Variants in PPIP5K2 observed in about 807,000 individuals in gnomAD.
The protein encoded by PPIP5K2 is diphosphoinositol pentakisphosphate kinase 2, also known as inositol hexakisphosphate and diphosphoinositol-pentakisphosphate kinase 2.
A neutral mutation model predicts 154.6 loss-of-function variants in PPIP5K2; 105 were observed. That is an observed-to-expected ratio of 0.68 (90% CI 0.58 to 0.80). The LOEUF (loss-of-function observed/expected upper bound fraction) is 0.80. PPIP5K2 is among the 30% of genes least tolerant of loss of function. The probability of loss-of-function intolerance (pLI) is 0.00; values close to 1 mark genes in which losing one functional copy is unlikely to be tolerated. For missense variants in PPIP5K2, 992 were observed against 1,504.6 expected (o/e 0.66, Z 5.64); for synonymous variants, 480 against 490.3 (o/e 0.98, Z 0.28).
At chr5:103,170,658 AT>A (rs571928528) in intron 19 of PPIP5K2, among the ~76,000 whole-genome samples, 5,579 of 146,236 alleles carry the variant, frequency 0.038, 337 homozygotes, top group African/African-American at 0.13. Flanking sequence ...GAAACTTTGG[AT>A]TTTTTTTTTT....
intron 21 of PPIP5K2, 67 bp from the exon 22 acceptor site, chr5:103,177,600 T>A: frequency 9.5e-7 from 1 of 1,049,378 alleles, no homozygotes; most frequent in Non-Finnish European, 1.4e-6. Context: ...GCTACCATAG[T>A]GACAATAAAG....
chr5:103,132,503 G>A lies in PPIP5K2; in HGVS notation c.115-950G>A, dbSNP rs782042618. 8.6e-5 allele frequency among the ~76,000 whole-genome samples: 13 copies of A among 151,922 alleles called. No homozygotes were observed. The East Asian group carries it at 1.2e-3, about 14-fold the overall frequency. Reference sequence around the variant, plus strand: ...GGAGGTTGCAGTGAGCTGAGATTGCGCCACTGCACTCCAGCCTGGGCGACA... The same window carrying A: ...GGAGGTTGCAGTGAGCTGAGATTGCACCACTGCACTCCAGCCTGGGCGACA... On this transcript the variant is annotated intron_variant, in intron 2 of 30. Coordinates refer to ENST00000358359, the MANE Select transcript of PPIP5K2 (RefSeq NM_001276277.3).
chr5:103,188,131 T>C (rs1205508064), intron 28 of PPIP5K2, among the ~76,000 whole-genome samples: 1 of 152,192 alleles, frequency 6.6e-6, no homozygotes, highest in African/African-American at 2.4e-5. Flanking sequence ...TTCATGACCA[T>C]TATTGTAAAA....
At chr5:103,188,884 G>A (rs1254272266) in intron 28 of PPIP5K2, 10 of 290,704 alleles carry the variant, frequency 3.4e-5, no homozygotes, top group Non-Finnish European at 5.0e-5. Flanking sequence ...TGGGTTTTCC[G>A]CACATACAAA....
At position 103,201,502 on chromosome 5, in the gene PPIP5K2, T is replaced by G. The variant is rs182656999; in HGVS notation, c.3620-20T>G. 1.1e-3 allele frequency: 1,576 copies of G among 1,453,244 alleles called. 14 individuals are homozygous for G. The African/African-American group carries it at 0.02, about 18-fold the overall frequency. 90.0% of individuals were successfully genotyped at this position (1,453,244 alleles called of 1,614,324 possible). On this transcript the variant is annotated intron_variant, in intron 30 of 30. Transcript: ENST00000358359. ...TAAATTTAAGCAATAGTTTTTTTTT[T>G]TTGTTTTTGTTTTATGTAGCTACAA...
chr5:103,167,383 A>G (rs1309798132), intron 18 of PPIP5K2, 63 bp downstream of exon 18: 1 of 1,316,776 alleles, frequency 7.6e-7, no homozygotes, highest in Non-Finnish European at 1.0e-6. Flanking sequence ...AGCATTTAAT[A>G]TATGATGCAC....
At position 103,129,570 on chromosome 5, in the gene PPIP5K2, C is replaced by T. The variant is rs1308309883; in HGVS notation, c.-20C>T. ...TTAATATAAATCATTTCAATTATAT[C>T]TACATCAAATAAAATAAAAATGAGT... On this transcript the variant is annotated 5_prime_UTR_variant, in exon 2 of 31. Coordinates refer to ENST00000358359, the MANE Select transcript of PPIP5K2 (RefSeq NM_001276277.3). 2 of 1,546,800 alleles carry T rather than the reference C, an allele frequency of 1.3e-6. No homozygotes were observed. The highest frequency in any genetic ancestry group is 1.4e-5 in the African/African-American group (1 of 71,268).
intron 5 of PPIP5K2, among the ~76,000 whole-genome samples, chr5:103,142,807 GAA>G (rs1793054105): frequency 6.6e-6 from 1 of 151,378 alleles, no homozygotes; most frequent in Non-Finnish European, 1.5e-5. Context: ...GAAATCATCT[GAA>G]TGTGTAAAAC....
At chr5:103,174,720 T>C (rs1453093670) in intron 21 of PPIP5K2, among the ~76,000 whole-genome samples, 1 of 152,088 alleles carries the variant, frequency 6.6e-6, no homozygotes, top group Non-Finnish European at 1.5e-5. Context: ...TGCTGCGCTC[T>C]CTTGGTTGAG....
At chr5:103,124,414 C>A (rs1195065240) in intron 1 of PPIP5K2, among the ~76,000 whole-genome samples, 3 of 152,074 alleles carry the variant, frequency 2.0e-5, no homozygotes, top group African/African-American at 7.2e-5. Context: ...ACTGTGGAGT[C>A]CTCATTTTTG....
chr5:103,170,916 A>C (rs1797886711), intron 19 of PPIP5K2, among the ~76,000 whole-genome samples: 1 of 151,558 alleles, frequency 6.6e-6, no homozygotes, highest in South Asian at 2.1e-4. Flanking sequence ...AATAATACAA[A>C]GTTTTAACTT....
chr5:103,137,251 C>A (rs1166579527), intron 4 of PPIP5K2, among the ~76,000 whole-genome samples: 2 of 151,830 alleles, frequency 1.3e-5, no homozygotes, highest in East Asian at 1.9e-4. Context: ...CAAGCTCCCC[C>A]TCCCGGGTTC....
intron 2 of PPIP5K2, among the ~76,000 whole-genome samples, chr5:103,130,915 C>T (rs1790504436): frequency 6.6e-6 from 1 of 152,134 alleles, no homozygotes. Flanking sequence ...ATACCTCTCT[C>T]CCATTCTTTC....
intron 24 of PPIP5K2, among the ~76,000 whole-genome samples, chr5:103,181,608 TA>T (rs1487255352): frequency 6.6e-6 from 1 of 151,902 alleles, no homozygotes; most frequent in Non-Finnish European, 1.5e-5. Flanking sequence ...CACACATATA[TA>T]CATATATATG....
intron 1 of PPIP5K2, among the ~76,000 whole-genome samples, chr5:103,126,179 A>T (rs1789641367): frequency 6.6e-6 from 1 of 152,218 alleles, no homozygotes; most frequent in Non-Finnish European, 1.5e-5. Context: ...CTTATTAAAG[A>T]GGTCTTTCTA....
At chr5:103,195,052 G>T in intron 30 of PPIP5K2, 27 bp downstream of exon 30, 1 of 1,590,466 alleles carries the variant, frequency 6.3e-7, no homozygotes, top group Non-Finnish European at 8.5e-7. Flanking sequence ...TTGAGTTTGT[G>T]GATTTGCACA....
intron 23 of PPIP5K2, among the ~76,000 whole-genome samples, chr5:103,178,547 A>G (rs1196433853): frequency 2.6e-5 from 4 of 151,578 alleles, no homozygotes; most frequent in African/African-American, 9.7e-5. Flanking sequence ...TGTTGTTCTT[A>G]AAGATTATGT....
At chr5:103,173,332 A>G in intron 20 of PPIP5K2, 50 bp downstream of exon 20, 1 of 1,566,420 alleles carries the variant, frequency 6.4e-7, no homozygotes, top group African/African-American at 1.4e-5. Context: ...ATTTTTGCAT[A>G]CTTCAAATTT....
intron 23 of PPIP5K2, 146 bp from the exon 24 acceptor site, chr5:103,179,875 G>C: frequency 1.7e-6 from 1 of 602,460 alleles, no homozygotes; most frequent in South Asian, 3.3e-5. Context: ...TAAGCTGTTA[G>C]AAGAGTTCAA....
Sources: gnomAD v4.1 joint callset for allele counts (sites outside exome capture counted in the v4.1 genomes callset) on GRCh38, gnomAD v4.1.1 for gene constraint, MANE v1.5 for transcripts, NCBI Gene and HGNC (gene_info 2026-07-23, HGNC 2026-07-21) for gene names.